The following DAW1 variants were observed in gnomAD, a reference collection of about 807,000 sequenced individuals.
DAW1 encodes dynein assembly factor with WD repeats 1.
Under a neutral mutation model 56.5 loss-of-function variants are expected in DAW1, and 47 were observed. That is an observed-to-expected ratio of 0.83 (90% CI 0.66 to 1.06). DAW1 has a LOEUF of 1.06. DAW1 is among the 50% of genes least tolerant of loss of function. The probability of loss-of-function intolerance (pLI) is 0.00; values close to 1 mark genes in which losing one functional copy is unlikely to be tolerated. For missense variants in DAW1, 505 were observed against 499.3 expected (o/e 1.01, Z -0.11); for synonymous variants, 190 against 179.0 (o/e 1.06, Z -0.49).
At chr2:227,918,659 A>T in intron 10 of DAW1, 121 bp from the exon 11 acceptor site, 1 of 1,069,802 alleles carries the variant, frequency 9.3e-7, no homozygotes, top group Non-Finnish European at 1.4e-6. Flanking sequence ...CACAGGCAAG[A>T]AGATGAACTT....
At chr2:227,910,788 T>A (rs1691796521) in intron 10 of DAW1, among the ~76,000 whole-genome samples, 1 of 152,172 alleles carries the variant, frequency 6.6e-6, no homozygotes, top group Non-Finnish European at 1.5e-5. Context: ...TATTTTTGCA[T>A]CATTTCCCTG....
chr2:227,922,576 T>TA (rs1358754597), intron 12 of DAW1, among the ~76,000 whole-genome samples: 1 of 152,292 alleles, frequency 6.6e-6, no homozygotes, highest in Admixed American at 6.5e-5. Flanking sequence ...TAAAAATTAC[T>TA]AGTCTAATAA....
chr2:227,873,423 T>C (rs1690802896), intron 1 of DAW1, among the ~76,000 whole-genome samples: 1 of 152,148 alleles, frequency 6.6e-6, no homozygotes, highest in Admixed American at 6.5e-5. Flanking sequence ...ACACAGAAGA[T>C]CAGGAATGTT....
At position 227,881,471 on chromosome 2, in the gene DAW1, ATC is replaced by A. The variant is rs1325355122; in HGVS notation, c.41-3877_41-3876del. ...TGTTTCCTTCTTCAAAGATGTTACA[ATC>A]TCACTGGAAAGAGAAGGCATAAATG... On this transcript the variant is annotated intron_variant, in intron 1 of 12. Coordinates refer to ENST00000309931, the MANE Select transcript of DAW1 (RefSeq NM_178821.3). Among the ~76,000 whole-genome samples the A allele has an allele frequency of 2.6e-5, 4 of 152,344 alleles. 1 individual carries two copies. Among genetic ancestry groups the A allele is most frequent in the African/African-American group, 9.6e-5 (4 of 41,580 alleles).
chr2:227,899,732 C>T (rs1691492853), intron 6 of DAW1, among the ~76,000 whole-genome samples: 1 of 152,168 alleles, frequency 6.6e-6, no homozygotes, highest in South Asian at 2.1e-4. Flanking sequence ...GTGGCGACAG[C>T]TTTTGTGAAT....
Position 227,891,308 on chromosome 2 carries a change from C to T in DAW1, c.312C>T (p.Gly104=). 1 of 1,613,042 alleles carries T rather than the reference C, an allele frequency of 6.2e-7. No individual in the cohort carries two copies. ...CTAATGTTGCACTTAACAAATCGGG[C>T]TCATGGTAAGATTCTCTTTTTATGT... ...PLTNVALNKS[G]SCFITGSYDR... The change falls in exon 4 of 13, where the codon GGC becomes GGT. Residue 104 remains glycine, a synonymous_variant. Transcript: ENST00000309931.
At chr2:227,918,211 C>CCATT (rs1391226470) in intron 10 of DAW1, among the ~76,000 whole-genome samples, 5 of 109,144 alleles carry the variant, frequency 4.6e-5, no homozygotes, top group African/African-American at 1.6e-4. Context: ...ATCCATCCAT[C>CCATT]CATCCATCCA....
chr2:227,878,262 C>T (rs893117658), intron 1 of DAW1, among the ~76,000 whole-genome samples: 15 of 152,110 alleles, frequency 9.9e-5, no homozygotes, highest in African/African-American at 3.6e-4. Flanking sequence ...AGTAAATACC[C>T]TCATATATAA....
At chr2:227,879,281 TA>T (rs936802824) in intron 1 of DAW1, among the ~76,000 whole-genome samples, 2 of 152,202 alleles carry the variant, frequency 1.3e-5, no homozygotes, top group African/African-American at 2.4e-5. Flanking sequence ...ATTTGATGGG[TA>T]AAACTTACAT....
intron 5 of DAW1, among the ~76,000 whole-genome samples, chr2:227,896,715 C>T (rs1424172108): frequency 6.6e-6 from 1 of 151,808 alleles, no homozygotes; most frequent in Admixed American, 6.6e-5. Context: ...TAAGCTTTGA[C>T]TCAATAAAGT....
intron 1 of DAW1, among the ~76,000 whole-genome samples, chr2:227,879,615 C>G (rs1559301650): frequency 6.6e-6 from 1 of 151,710 alleles, no homozygotes; most frequent in Non-Finnish European, 1.5e-5. Context: ...ATTACAGGCA[C>G]TAAGAGACAA....
rs941965635 is a variant in DAW1 at position 227,878,043 on chromosome 2, A to G, written c.40+6314A>G. ...CCTTTTTACTTTATTACAAACAAGT[A>G]GTGAATAAAGAAAGCAGACTTTTGT... On this transcript the variant is annotated intron_variant, in intron 1 of 12. Coordinates refer to ENST00000309931, the MANE Select transcript of DAW1 (RefSeq NM_178821.3). 2.0e-5 allele frequency among the ~76,000 whole-genome samples: 3 copies of G among 152,280 alleles called. No individual in the cohort carries two copies. The East Asian group carries it at 5.8e-4, about 29-fold the overall frequency.
chr2:227,885,192 T>C (rs1691095182), intron 1 of DAW1, among the ~76,000 whole-genome samples, 159 bp from the exon 2 acceptor site: 1 of 152,212 alleles, frequency 6.6e-6, no homozygotes, highest in African/African-American at 2.4e-5. Context: ...AAAGTTTGTC[T>C]ACATGATCTT....
chr2:227,904,263 T>G (rs1193908566), intron 7 of DAW1, among the ~76,000 whole-genome samples: 1 of 152,214 alleles, frequency 6.6e-6, no homozygotes, highest in Non-Finnish European at 1.5e-5. Context: ...TTGTATTATT[T>G]AAAAGTATAC....
At chr2:227,921,196 G>A (rs1692097629) in intron 11 of DAW1, among the ~76,000 whole-genome samples, 1 of 151,604 alleles carries the variant, frequency 6.6e-6, no homozygotes, top group Non-Finnish European at 1.5e-5. Context: ...TTTCTCTCTG[G>A]ATTTTAGTTT....
intron 9 of DAW1, among the ~76,000 whole-genome samples, chr2:227,906,920 T>C (rs1253008917): frequency 6.6e-6 from 1 of 152,186 alleles, no homozygotes; most frequent in South Asian, 2.1e-4. Flanking sequence ...CTGACTTTGG[T>C]TTTCTCTGTG....
chr2:227,883,179 A>G (rs1332521987), intron 1 of DAW1, among the ~76,000 whole-genome samples: 1 of 152,226 alleles, frequency 6.6e-6, no homozygotes, highest in Non-Finnish European at 1.5e-5. Context: ...CTTTCAAGCA[A>G]AAATACCAGC....
intron 5 of DAW1, among the ~76,000 whole-genome samples, chr2:227,896,444 A>G (rs1287193276): frequency 6.6e-6 from 1 of 152,168 alleles, no homozygotes; most frequent in Non-Finnish European, 1.5e-5. Flanking sequence ...GAATTCTACC[A>G]AGAGCCCCTG....
chr2:227,918,628 T>C (rs1574674472), intron 10 of DAW1, 152 bp from the exon 11 acceptor site: 2 of 755,210 alleles, frequency 2.6e-6, no homozygotes, highest in East Asian at 5.5e-5. Context: ...GCATTTAGAG[T>C]ATTAAGTATC....
Sources: allele counts gnomAD v4.1 joint callset (sites outside exome capture counted in the v4.1 genomes callset), GRCh38; gene constraint gnomAD v4.1.1; transcripts MANE v1.5; gene names NCBI Gene and HGNC (gene_info 2026-07-23, HGNC 2026-07-21).